Variants in CHD1L observed in about 807,000 individuals in gnomAD.
The protein encoded by CHD1L is chromodomain helicase DNA binding protein 1 like, also known as ATP-dependent chromatin remodeler CHD1L.
A neutral mutation model predicts 115.9 loss-of-function variants in CHD1L; 118 were observed. The ratio of observed to expected loss-of-function variants is 1.02; its 90% CI spans 0.88 to 1.19. The LOEUF (loss-of-function observed/expected upper bound fraction) is 1.19. CHD1L is among the 50% of genes most tolerant of loss of function. CHD1L has a pLI of 0.00. For synonymous variants in CHD1L, 411 were observed against 387.1 expected (o/e 1.06, Z -0.72); for missense variants, 1,179 against 1,065.3 (o/e 1.11, Z -1.49).
the CHD1L span, among the ~76,000 whole-genome samples, chr1:147,205,573 G>A: frequency 1.3e-5 from 2 of 152,092 alleles, no homozygotes. Context: ...TTCTTATATA[G>A]ACCAATGGAA....
chr1:147,204,537 A>G, the CHD1L span: 5 of 1,577,938 alleles, frequency 3.2e-6, no homozygotes, highest in South Asian at 3.4e-5. Context: ...AAGCTATTTC[A>G]TAACCTTCTA....
At chr1:147,279,028 T>C (rs939208042) in intron 14 of CHD1L, among the ~76,000 whole-genome samples, 1 of 152,174 alleles carries the variant, frequency 6.6e-6, no homozygotes. Context: ...CCAATTCTTA[T>C]CATAAATAGT....
At chr1:147,291,026 T>C (rs1559904994) in intron 19 of CHD1L, among the ~76,000 whole-genome samples, 1 of 152,234 alleles carries the variant, frequency 6.6e-6, no homozygotes, top group Non-Finnish European at 1.5e-5. Flanking sequence ...TGTAAAGCCA[T>C]AGAATTAAAT....
At chr1:147,212,604 GT>G in the CHD1L span, 21 of 1,431,038 alleles carry the variant, frequency 1.5e-5, no homozygotes, top group South Asian at 9.2e-5. Flanking sequence ...CAAGTCATTT[GT>G]TTTTTTTGCA....
chr1:147,191,118 A>G, the CHD1L span, among the ~76,000 whole-genome samples: 1 of 152,034 alleles, frequency 6.6e-6, no homozygotes, highest in Non-Finnish European at 1.5e-5. Flanking sequence ...AGACTTTGCT[A>G]TTGTGAATAG....
chr1:147,250,187 A>C (rs1667971506), intron 1 of CHD1L, among the ~76,000 whole-genome samples: 1 of 151,812 alleles, frequency 6.6e-6, no homozygotes, highest in Non-Finnish European at 1.5e-5. Flanking sequence ...TACTGCTTTA[A>C]GGTCTTTGTC....
intron 17 of CHD1L, 33 bp downstream of exon 17, chr1:147,285,520 G>A (rs374231446): frequency 1.9e-5 from 31 of 1,593,686 alleles, no homozygotes; most frequent in Non-Finnish European, 2.6e-5. Context: ...GGCGGCCACA[G>A]TTGAAGGAGT....
intron 20 of CHD1L, 75 bp downstream of exon 20, chr1:147,291,627 A>G (rs587673504): frequency 3.6e-5 from 43 of 1,186,348 alleles, no homozygotes; most frequent in South Asian, 2.2e-4. Context: ...CCCTGCCCCA[A>G]TTGGCCTCTC....
the CHD1L span, chr1:147,203,377 GC>G: frequency 9.3e-7 from 1 of 1,079,736 alleles, no homozygotes; most frequent in Non-Finnish European, 1.4e-6. Context: ...TACAGTGACT[GC>G]AGCATTAGCA....
At chr1:147,207,557 A>G in the CHD1L span, among the ~76,000 whole-genome samples, 1 of 152,128 alleles carries the variant, frequency 6.6e-6, no homozygotes, top group African/African-American at 2.4e-5. Context: ...GGTAAGATCT[A>G]TTTTTTGAGT....
At chr1:147,244,150 G>A (rs1665840304) in intron 1 of CHD1L, among the ~76,000 whole-genome samples, 1 of 152,224 alleles carries the variant, frequency 6.6e-6, no homozygotes, top group Non-Finnish European at 1.5e-5. Context: ...GGTTCTTTAA[G>A]AACTTGTGTG....
In CHD1L at chr1:147,268,990, A is replaced by G. The variant is rs1571898066; in HGVS notation, c.1085+112A>G. On this transcript the variant is annotated intron_variant, in intron 10 of 22. Transcript: ENST00000369258. ...TTCCAGTTTTCTTTTTTTTCTTAAC[A>G]CTGATTCAGGTTCTGCCTTCTCTGT... is the stretch of plus-strand genomic sequence containing the variant. The G allele has an allele frequency of 6.1e-6, 4 of 654,408 alleles. No individual in the cohort carries two copies. The East Asian group carries it at 1.3e-4, about 21-fold the overall frequency. 40.5% of individuals were successfully genotyped at this position (654,408 alleles called of 1,614,324 possible).
At chr1:147,179,706 A>G in the CHD1L span, 3 of 771,048 alleles carry the variant, frequency 3.9e-6, no homozygotes, top group African/African-American at 5.3e-5. Flanking sequence ...TAGGACCCAT[A>G]TGGGAATTAT....
At chr1:147,179,872 A>G in the CHD1L span, among the ~76,000 whole-genome samples, 5,460 of 151,510 alleles carry the variant, frequency 0.036, 142 homozygotes, top group South Asian at 0.093. Context: ...ATGTTGTGGG[A>G]GTCGGGTTGA....
At chr1:147,270,385 T>G (rs1442554572) in intron 10 of CHD1L, among the ~76,000 whole-genome samples, 1 of 152,154 alleles carries the variant, frequency 6.6e-6, no homozygotes, top group African/African-American at 2.4e-5. Flanking sequence ...ACCCCTTGCT[T>G]CTCTAAAGTA....
the CHD1L span, among the ~76,000 whole-genome samples, chr1:147,193,324 T>C: frequency 6.6e-6 from 1 of 152,160 alleles, no homozygotes; most frequent in African/African-American, 2.4e-5. Context: ...TCTCTGATGG[T>C]AGTTTGTATT....
chr1:147,275,311 G>C (rs782372491), intron 12 of CHD1L, 43 bp from the exon 13 acceptor site: 7 of 1,439,320 alleles, frequency 4.9e-6, no homozygotes, highest in Non-Finnish European at 6.9e-6. Context: ...CTAGCTCCTC[G>C]TCTTTGTGCT....
At chr1:147,272,745 T>G (rs1011892552) in intron 12 of CHD1L, among the ~76,000 whole-genome samples, 5 of 152,204 alleles carry the variant, frequency 3.3e-5, no homozygotes, top group Admixed American at 6.5e-5. Flanking sequence ...ATACCAACTT[T>G]TTAGAATTAT....
chr1:147,264,324 A>G (rs1673073784), intron 6 of CHD1L, 98 bp from the exon 7 acceptor site: 7 of 1,116,664 alleles, frequency 6.3e-6, no homozygotes, highest in Admixed American at 2.8e-5. Context: ...ATTTCATTAA[A>G]TCATGCCTCT....
Sources: allele counts gnomAD v4.1 joint callset (sites outside exome capture counted in the v4.1 genomes callset), GRCh38; gene constraint gnomAD v4.1.1; transcripts MANE v1.5; gene names NCBI Gene and HGNC (gene_info 2026-07-23, HGNC 2026-07-21).